The following CTNNA3 variants were observed in gnomAD, a reference collection of about 807,000 sequenced individuals.
CTNNA3 encodes catenin alpha-3.
In CTNNA3, 76 loss-of-function variants were observed where a neutral mutation model predicts 95.7. The ratio of observed to expected loss-of-function variants is 0.79; its 90% confidence interval spans 0.66 to 0.96. CTNNA3 has a LOEUF of 0.96. Among genes scored for constraint, CTNNA3 ranks in the 40% least tolerant of loss-of-function variants. CTNNA3 has a pLI of 0.00. For synonymous variants in CTNNA3, 431 were observed against 374.4 expected, an observed-to-expected ratio of 1.15 and a Z score of -1.74; for missense variants, 1,191 against 1,089.8, an observed-to-expected ratio of 1.09 and a Z score of -1.31.
chr10:67,726,978 C>T (rs866001042), intron 1 of CTNNA3, among the ~76,000 whole-genome samples: 112 of 101,478 alleles, frequency 1.1e-3, no homozygotes, highest in Non-Finnish European at 1.6e-3. Flanking sequence ...ATATAATATA[C>T]GATACATATA....
chr10:66,176,833 G>A (rs2085737128), intron 13 of CTNNA3, among the ~76,000 whole-genome samples: 1 of 151,978 alleles, frequency 6.6e-6, no homozygotes, highest in Non-Finnish European at 1.5e-5. Context: ...CACGGTTTAT[G>A]GCATTTTGTT....
intron 7 of CTNNA3, among the ~76,000 whole-genome samples, chr10:66,797,193 C>T (rs1283154305): frequency 6.6e-6 from 1 of 151,630 alleles, no homozygotes; most frequent in East Asian, 1.9e-4. Flanking sequence ...TTCCTCAGTC[C>T]CAACTAAAGG....
chr10:66,749,904 G>T (rs1839061807), intron 9 of CTNNA3, among the ~76,000 whole-genome samples: 1 of 152,128 alleles, frequency 6.6e-6, no homozygotes, highest in Non-Finnish European at 1.5e-5. Flanking sequence ...TTGGATTTTG[G>T]CCATTTTATT....
intron 9 of CTNNA3, among the ~76,000 whole-genome samples, chr10:66,750,382 T>A (rs147839910): frequency 1.6e-4 from 25 of 152,300 alleles, no homozygotes; most frequent in African/African-American, 6.0e-4. Context: ...CATTTTGAGT[T>A]AATTTTTGAG....
chr10:66,351,439 T>TA (rs2092566343), intron 12 of CTNNA3, among the ~76,000 whole-genome samples: 1 of 152,004 alleles, frequency 6.6e-6, no homozygotes, highest in East Asian at 1.9e-4. Context: ...GTACCATTGT[T>TA]AAATAGCAGA....
intron 9 of CTNNA3, among the ~76,000 whole-genome samples, chr10:66,728,835 A>G (rs1406754954): frequency 2.6e-5 from 4 of 152,080 alleles, no homozygotes; most frequent in African/African-American, 9.7e-5. Context: ...TGATCTGCCC[A>G]CCTGGGCCTC....
Position 66,488,711 on chromosome 10 carries a change from G to A in CTNNA3, c.1531+31906C>T, listed in dbSNP as rs1231536503. 2.0e-5 allele frequency among the ~76,000 whole-genome samples: 3 copies of A among 151,958 alleles called. No individual in the cohort carries two copies. In the East Asian group the frequency reaches 5.8e-4, roughly 29 times the overall value. On this transcript the variant is annotated intron_variant, in intron 11 of 17. Coordinates refer to ENST00000433211, the MANE Select transcript of CTNNA3 (RefSeq NM_013266.4). The stretch of plus-strand genomic sequence containing the variant: ...AATAATAAAAATATTTTAAACAGCT[G>A]TCTAATAGATTATATATGAGTAACT...
At chr10:67,507,096 TAA>T (rs2133118480) in intron 5 of CTNNA3, among the ~76,000 whole-genome samples, 1 of 152,056 alleles carries the variant, frequency 6.6e-6, no homozygotes, top group Non-Finnish European at 1.5e-5. Flanking sequence ...TACAAAGAAT[TAA>T]AAAAGACTCC....
In CTNNA3 at chr10:67,192,874, G is replaced by C. The variant is rs1345033112; in HGVS notation, c.844-12354C>G. 2.1e-4 allele frequency among the ~76,000 whole-genome samples: 32 copies of C among 151,862 alleles called. 1 individual carries two copies. The South Asian group carries it at 6.2e-3, about 30-fold the overall frequency. ...ATCTGCAGATGAATGAATGAATAAAGAAATGGTCATATATATGTATATATA... is the reference window on the plus strand; with the variant it reads ...ATCTGCAGATGAATGAATGAATAAACAAATGGTCATATATATGTATATATA... On this transcript the variant is annotated intron_variant, in intron 6 of 17. Coordinates refer to ENST00000433211, the MANE Select transcript of CTNNA3 (RefSeq NM_013266.4).
At chr10:65,924,358 A>G (rs979195137) in intron 17 of CTNNA3, among the ~76,000 whole-genome samples, 3 of 152,118 alleles carry the variant, frequency 2.0e-5, no homozygotes, top group Admixed American at 6.6e-5. Context: ...ATTATGCTTC[A>G]GGATCTATGA....
chr10:65,928,108 T>C (rs1450815420), intron 17 of CTNNA3, among the ~76,000 whole-genome samples: 1 of 152,194 alleles, frequency 6.6e-6, no homozygotes, highest in East Asian at 1.9e-4. Context: ...TTTTCCTTTA[T>C]GCTTTCTTCC....
chr10:66,508,285 A>G (rs1840535726), intron 11 of CTNNA3, among the ~76,000 whole-genome samples: 1 of 147,538 alleles, frequency 6.8e-6, no homozygotes, highest in African/African-American at 2.5e-5. Flanking sequence ...TCCAGCCTGC[A>G]CGGTAGAGTG....
intron 4 of CTNNA3, among the ~76,000 whole-genome samples, chr10:67,524,452 A>G (rs1360875820): frequency 6.6e-6 from 1 of 151,614 alleles, no homozygotes; most frequent in Non-Finnish European, 1.5e-5. Flanking sequence ...CAGAAAACCA[A>G]CACTTCAGGT....
At chr10:66,308,937 A>C (rs2091967495) in intron 12 of CTNNA3, among the ~76,000 whole-genome samples, 2 of 152,188 alleles carry the variant, frequency 1.3e-5, no homozygotes, top group Non-Finnish European at 1.5e-5. Context: ...TACTCTACTT[A>C]AGGGAAATGG....
At chr10:67,302,593 T>A (rs1840372809) in intron 5 of CTNNA3, among the ~76,000 whole-genome samples, 1 of 152,156 alleles carries the variant, frequency 6.6e-6, no homozygotes, top group Non-Finnish European at 1.5e-5. Context: ...ATCACTGACA[T>A]ACAATTAAGA....
chr10:67,446,566 T>A (rs1489365848), intron 5 of CTNNA3, among the ~76,000 whole-genome samples: 1 of 152,210 alleles, frequency 6.6e-6, no homozygotes, highest in Non-Finnish European at 1.5e-5. Flanking sequence ...GAGACCCTCC[T>A]CATCTTTTCT....
intron 6 of CTNNA3, among the ~76,000 whole-genome samples, chr10:67,214,477 T>C (rs1274202372): frequency 6.6e-6 from 1 of 151,894 alleles, no homozygotes; most frequent in African/African-American, 2.4e-5. Flanking sequence ...ACAATTTTAA[T>C]TATACAAAGT....
chr10:67,102,603 T>A (rs1858405023), intron 7 of CTNNA3, among the ~76,000 whole-genome samples: 1 of 151,864 alleles, frequency 6.6e-6, no homozygotes, highest in Non-Finnish European at 1.5e-5. Context: ...TTTTGTGTTA[T>A]ATGATATTTG....
intron 13 of CTNNA3, among the ~76,000 whole-genome samples, chr10:66,237,675 C>T (rs907236229): frequency 6.6e-6 from 1 of 151,914 alleles, no homozygotes. Flanking sequence ...GAGTTCCAAC[C>T]ATAAAAATGG....
Sources: gnomAD v4.1 joint callset for allele counts (sites outside exome capture counted in the v4.1 genomes callset) on GRCh38, gnomAD v4.1.1 for gene constraint, MANE v1.5 for transcripts, NCBI Gene and HGNC (gene_info 2026-07-23, HGNC 2026-07-21) for gene names.